Variants in CSMD1 observed in about 807,000 individuals in gnomAD.
CSMD1 encodes CUB and sushi domain-containing protein 1.
CSMD1 carries 213 observed loss-of-function variants against 417.5 expected under a neutral mutation model. The ratio of observed to expected loss-of-function variants is 0.51; its 90% CI spans 0.46 to 0.57. The LOEUF is 0.57. CSMD1 is among the 20% of genes least tolerant of loss of function. The probability of loss-of-function intolerance (pLI) is 0.00; values close to 1 mark genes in which losing one functional copy is unlikely to be tolerated. For synonymous variants in CSMD1, 2,862 were observed against 1,736.8 expected (o/e 1.65, Z -16.11); for missense variants, 6,923 against 4,529.7 (o/e 1.53, Z -15.17).
intron 26 of CSMD1, among the ~76,000 whole-genome samples, chr8:3,273,087 T>C (rs529490804): frequency 3.3e-5 from 5 of 152,124 alleles, no homozygotes; most frequent in Admixed American, 6.5e-5. Context: ...ATAGCTCTTA[T>C]TATTTTGAGA....
At chr8:3,162,478 T>A (rs1819960376) in intron 37 of CSMD1, among the ~76,000 whole-genome samples, 1 of 152,182 alleles carries the variant, frequency 6.6e-6, no homozygotes, top group South Asian at 2.1e-4. Flanking sequence ...TTAAATTATC[T>A]TATTTTCATT....
chr8:2,946,435 C>A lies in CSMD1; in HGVS notation c.10402+2864G>T, dbSNP rs1225930878. Among the ~76,000 whole-genome samples the A allele has an allele frequency of 2.0e-5, 3 of 152,186 alleles. No homozygotes were observed. The East Asian group carries it at 5.8e-4, about 29-fold the overall frequency. ...AACCCAGGCAACCACTAATCAGTGT[C>A]CCATCTCTTTGGATTTGCCTGTTAT... On this transcript the variant is annotated intron_variant, in intron 68 of 69. Coordinates refer to ENST00000635120, the MANE Select transcript of CSMD1 (RefSeq NM_033225.6).
At chr8:3,308,277 C>A in intron 24 of CSMD1, 35 bp downstream of exon 24, 1 of 1,558,516 alleles carries the variant, frequency 6.4e-7, no homozygotes, top group Non-Finnish European at 8.8e-7. Context: ...TAAGGCCTGG[C>A]TTTTGCACAA....
At chr8:4,984,474 T>G (rs1438569361) in intron 1 of CSMD1, among the ~76,000 whole-genome samples, 2 of 152,170 alleles carry the variant, frequency 1.3e-5, no homozygotes, top group Non-Finnish European at 2.9e-5. Context: ...TATAGGACCA[T>G]TTACCTGCTT....
intron 54 of CSMD1, among the ~76,000 whole-genome samples, chr8:2,996,891 C>T (rs930453537): frequency 2.6e-5 from 4 of 152,218 alleles, no homozygotes; most frequent in African/African-American, 9.6e-5. Flanking sequence ...CCATGTTCCT[C>T]TCTCTGTTTT....
chr8:4,425,348 C>T (rs775005471), intron 2 of CSMD1, among the ~76,000 whole-genome samples: 1 of 132,106 alleles, frequency 7.6e-6, no homozygotes, highest in Non-Finnish European at 1.6e-5. Context: ...CAAATAGCTG[C>T]AATGAAATGG....
At chr8:3,356,967 G>C (rs188513663) in intron 21 of CSMD1, among the ~76,000 whole-genome samples, 341 of 152,206 alleles carry the variant, frequency 2.2e-3, no homozygotes, top group African/African-American at 4.7e-3. Flanking sequence ...CATTCTGGGA[G>C]CTGCGGCCCC....
chr8:3,021,901 C>T (rs1809443455), intron 51 of CSMD1, among the ~76,000 whole-genome samples: 1 of 143,864 alleles, frequency 7.0e-6, no homozygotes, highest in Non-Finnish European at 1.5e-5. Context: ...ACCTGCAATC[C>T]CACAGCATCC....
At chr8:3,178,459 C>T (rs893193131) in intron 37 of CSMD1, among the ~76,000 whole-genome samples, 39 of 152,160 alleles carry the variant, frequency 2.6e-4, no homozygotes, top group African/African-American at 9.2e-4. Flanking sequence ...AAACAGCCAT[C>T]TATACGTCAC....
chr8:4,544,680 G>A (rs1797555438), intron 2 of CSMD1, among the ~76,000 whole-genome samples: 1 of 152,146 alleles, frequency 6.6e-6, no homozygotes, highest in Non-Finnish European at 1.5e-5. Context: ...CCAGCTTTAA[G>A]CCAGGGTGTA....
chr8:3,130,341 A>G (rs1434250328), intron 41 of CSMD1, among the ~76,000 whole-genome samples: 3 of 152,100 alleles, frequency 2.0e-5, no homozygotes, highest in South Asian at 2.1e-4. Flanking sequence ...TCGTGCATAC[A>G]GCCAGACGAG....
chr8:4,145,549 A>G (rs1804060253), intron 3 of CSMD1, among the ~76,000 whole-genome samples: 1 of 150,808 alleles, frequency 6.6e-6, no homozygotes, highest in Non-Finnish European at 1.5e-5. Context: ...TTTCTTTATT[A>G]TTACATTGTT....
rs1798375675 is a variant in CSMD1, at chr8:3,540,101, CT to C, written c.1344+34843del. On this transcript the variant is annotated intron_variant, in intron 10 of 69. Coordinates refer to ENST00000635120, the MANE Select transcript of CSMD1 (RefSeq NM_033225.6). ...ATAGGCTTCTCTGTGATTCTAGTTG[CT>C]TGTAGACTTGTTTACGGTCACAGTT... is the stretch of plus-strand genomic sequence containing the variant. Among the ~76,000 whole-genome samples the C allele has an allele frequency of 3.3e-5, 5 of 152,218 alleles. No homozygotes were observed. In the South Asian group the frequency reaches 1.0e-3, roughly 32 times the overall value.
intron 8 of CSMD1, among the ~76,000 whole-genome samples, chr8:3,587,550 T>G (rs186918125): frequency 5.3e-4 from 81 of 152,078 alleles, no homozygotes; most frequent in Admixed American, 3.3e-4. Context: ...GGAAAAAAAA[T>G]CCATATCTAT....
intron 2 of CSMD1, among the ~76,000 whole-genome samples, chr8:4,455,277 G>C (rs1333725719): frequency 6.6e-6 from 1 of 152,120 alleles, no homozygotes; most frequent in Admixed American, 6.6e-5. Context: ...AGGAGAAGGA[G>C]AACTTCATGA....
chr8:3,888,018 C>A (rs1241515920), intron 5 of CSMD1, among the ~76,000 whole-genome samples: 1 of 152,038 alleles, frequency 6.6e-6, no homozygotes, highest in African/African-American at 2.4e-5. Context: ...CAACTTCTGG[C>A]AGAGAAATTA....
At chr8:3,735,427 T>C (rs917479255) in intron 6 of CSMD1, among the ~76,000 whole-genome samples, 2 of 152,254 alleles carry the variant, frequency 1.3e-5, no homozygotes, top group Non-Finnish European at 2.9e-5. Context: ...GATTCCAGAA[T>C]GCATCTACAA....
intron 6 of CSMD1, among the ~76,000 whole-genome samples, chr8:3,727,243 G>C (rs1191844308): frequency 1.3e-5 from 2 of 152,168 alleles, no homozygotes; most frequent in African/African-American, 2.4e-5. Flanking sequence ...TATCACAAGA[G>C]GAAAACTAAC....
chr8:4,631,176 T>A (rs1264119250), intron 2 of CSMD1, among the ~76,000 whole-genome samples: 3 of 151,814 alleles, frequency 2.0e-5, no homozygotes, highest in Admixed American at 2.0e-4. Flanking sequence ...GCCTGGCCAA[T>A]ATGGTGAAAC....
Sources: allele counts gnomAD v4.1 joint callset (sites outside exome capture counted in the v4.1 genomes callset), GRCh38; gene constraint gnomAD v4.1.1; transcripts MANE v1.5; gene names NCBI Gene and HGNC (gene_info 2026-07-23, HGNC 2026-07-21).